The following LRP2 variants were observed in gnomAD, a reference collection of about 807,000 sequenced individuals.
LRP2 encodes the protein low-density lipoprotein receptor-related protein 2.
A neutral mutation model predicts 531.0 loss-of-function variants in LRP2; 172 were observed. The observed-to-expected ratio is 0.32, with a 90% CI of 0.29 to 0.37. LRP2 has a LOEUF of 0.37. Ranked by LOEUF, LRP2 falls within the 10% of genes least tolerant of loss-of-function variation. The pLI is 1.00. For missense variants in LRP2, 5,167 were observed against 5,868.3 expected (o/e 0.88, Z 3.90); for synonymous variants, 1,992 against 2,027.6 (o/e 0.98, Z 0.47).
rs1372510066 is a variant in LRP2, at chr2:169,257,148, G to A, written c.2615C>T (p.Pro872Leu). 6.2e-7 allele frequency: 1 copy of A among 1,612,740 alleles called. No individual in the cohort carries two copies. Residue 872 changes from proline to leucine, a missense_variant, in exon 18 of 79, where the codon CCC (proline) becomes CTC (leucine). By Grantham distance (98) the Pro-to-Leu change is moderately conservative (BLOSUM62 -3). This residue lies in a region of LRP2 where 2,811 missense variants were observed against 3,058.0 expected (regional missense o/e 0.92). Coordinates refer to ENST00000649046, the MANE Select transcript of LRP2 (RefSeq NM_004525.3). ...CGCCCAATCGATGGCCAAGCCATTG[G>A]GCCATCCAAGAGTAGTGTTTATTAC... The part of the protein sequence containing the change: ...LPVINTTLGW[P>L]NGLAIDWAAS...
intron 36 of LRP2, 47 bp from the exon 37 acceptor site, chr2:169,212,254 G>C: frequency 6.2e-7 from 1 of 1,613,068 alleles, no homozygotes; most frequent in Non-Finnish European, 8.5e-7. Flanking sequence ...CTAGCTACTC[G>C]CCACCCCATC....
rs267598997 is a variant in LRP2 at position 169,145,827 on chromosome 2, C to T, written c.12908G>A (p.Gly4303Glu). 1 of 1,614,136 alleles carries T rather than the reference C, an allele frequency of 6.2e-7. No individual in the cohort carries two copies. The highest frequency in any genetic ancestry group is 1.7e-5 in the Admixed American group (1 of 60,024). The change falls in exon 70 of 79, where the codon GGA becomes GAA. Residue 4303 changes from glycine (G) to glutamate (E), a missense_variant. By Grantham distance (98) the Gly-to-Glu change is moderately conservative. Transcript: ENST00000649046. ...EVWKQNKFGQ[G>E]KKEKTLVVNP... ...CACTACCAGCGTTTTCTCTTTCTTT[C>T]CTTGCCCAAATTTATTTTGTTTCCA...
At chr2:169,231,978 C>G in intron 30 of LRP2, 136 bp from the exon 31 acceptor site, 1 of 1,084,028 alleles carries the variant, frequency 9.2e-7, no homozygotes, top group Non-Finnish European at 1.4e-6. Context: ...CTGTTGTTTT[C>G]TTTTGTTTTG....
intron 9 of LRP2, among the ~76,000 whole-genome samples, chr2:169,284,072 T>C (rs1181660911): frequency 1.3e-5 from 2 of 151,916 alleles, no homozygotes; most frequent in African/African-American, 4.8e-5. Context: ...CTCAAGTAGA[T>C]TATAATTTCT....
At chr2:169,244,361 A>G (rs990719834) in intron 22 of LRP2, among the ~76,000 whole-genome samples, 3 of 152,186 alleles carry the variant, frequency 2.0e-5, no homozygotes, top group African/African-American at 7.2e-5. Flanking sequence ...ATATATCTAT[A>G]TGACTTTTAG....
At chr2:169,215,338 G>A (rs183625285) in intron 35 of LRP2, among the ~76,000 whole-genome samples, 12 of 152,272 alleles carry the variant, frequency 7.9e-5, no homozygotes, top group Admixed American at 7.8e-4. Flanking sequence ...CCAAAGCAAT[G>A]CTTCATCAAT....
At chr2:169,355,069 G>A (rs531995854) in intron 1 of LRP2, among the ~76,000 whole-genome samples, 44 of 152,254 alleles carry the variant, frequency 2.9e-4, no homozygotes, top group African/African-American at 1.0e-3. Context: ...TAGTCTGATC[G>A]CTCAGCTCAT....
chr2:169,160,879 C>T (rs1041524530), intron 63 of LRP2, among the ~76,000 whole-genome samples: 1 of 152,072 alleles, frequency 6.6e-6, no homozygotes, highest in Non-Finnish European at 1.5e-5. Context: ...CCACAGAAAA[C>T]GTATGTGAAA....
intron 31 of LRP2, 60 bp downstream of exon 31, chr2:169,231,654 T>A (rs1196748946): frequency 6.2e-7 from 1 of 1,610,226 alleles, no homozygotes; most frequent in Non-Finnish European, 8.5e-7. Flanking sequence ...GAGTTTCCAC[T>A]GCTTGGCACA....
intron 2 of LRP2, among the ~76,000 whole-genome samples, chr2:169,319,894 G>A (rs1179040798): frequency 1.3e-5 from 2 of 152,182 alleles, no homozygotes; most frequent in African/African-American, 2.4e-5. Context: ...TTTCAAATGC[G>A]TTGTCATCTA....
intron 52 of LRP2, among the ~76,000 whole-genome samples, chr2:169,179,873 T>C (rs1687364578): frequency 7.2e-6 from 1 of 139,002 alleles, no homozygotes; most frequent in African/African-American, 2.5e-5. Flanking sequence ...TTGCTACCTC[T>C]CCAAGAGGTA....
chr2:169,212,373 T>C (rs1434739267), intron 36 of LRP2, among the ~76,000 whole-genome samples, 166 bp from the exon 37 acceptor site: 2 of 152,154 alleles, frequency 1.3e-5, no homozygotes, highest in South Asian at 2.1e-4. Flanking sequence ...CTAGAGCTTA[T>C]ACAATAACAC....
intron 33 of LRP2, among the ~76,000 whole-genome samples, chr2:169,222,844 A>G (rs1016842430): frequency 1.3e-5 from 2 of 152,168 alleles, no homozygotes; most frequent in Admixed American, 6.5e-5. Context: ...CCCTCCGATA[A>G]GCAAGGATGT....
At chr2:169,156,150 C>T (rs561412118) in intron 65 of LRP2, 124 bp downstream of exon 65, 21 of 1,320,190 alleles carry the variant, frequency 1.6e-5, no homozygotes, top group Middle Eastern at 1.9e-4. Context: ...AAGCAGCTGG[C>T]GAGTTTAAAA....
chr2:169,292,787 C>T (rs559921146), intron 6 of LRP2, among the ~76,000 whole-genome samples: 6 of 134,894 alleles, frequency 4.4e-5, no homozygotes, highest in South Asian at 4.6e-4. Flanking sequence ...GAGCCAAGAT[C>T]GCACCACTGC....
At position 169,216,353 on chromosome 2, in the gene LRP2, G is replaced by T; in HGVS notation, c.5726C>A (p.Ser1909Tyr). 1 of 1,613,678 alleles carries T rather than the reference G, an allele frequency of 6.2e-7. No homozygotes were observed. The highest frequency in any genetic ancestry group is 8.5e-7 in the Non-Finnish European group (1 of 1,179,700). ...KIASANMDGT[S>Y]VKTLFTGNLE... ...GTTCCCAGTAAAGAGAGTTTTCACAGATGTGCCATCCATGTTAGCACTGGC... is the reference window on the plus strand; with the variant it reads ...GTTCCCAGTAAAGAGAGTTTTCACATATGTGCCATCCATGTTAGCACTGGC... The change falls in exon 35 of 79, where the codon TCT becomes TAT. Residue 1909 changes from serine (S) to tyrosine (Y), a missense_variant. By Grantham distance (144) the Ser-to-Tyr change is moderately radical. Coordinates refer to ENST00000649046, the MANE Select transcript of LRP2 (RefSeq NM_004525.3).
chr2:169,198,000 A>G (rs1202950739), intron 45 of LRP2, among the ~76,000 whole-genome samples: 8 of 152,364 alleles, frequency 5.3e-5, no homozygotes, highest in Non-Finnish European at 1.2e-4. Flanking sequence ...AAAGTTATCA[A>G]ACTTAAGAAA....
intron 42 of LRP2, 107 bp downstream of exon 42, chr2:169,203,875 T>A: frequency 1.7e-6 from 2 of 1,192,680 alleles, no homozygotes; most frequent in Non-Finnish European, 2.5e-6. Flanking sequence ...TACCCTGACA[T>A]CAAGGAGAAT....
At chr2:169,299,103 GAA>G (rs1219869725) in intron 4 of LRP2, among the ~76,000 whole-genome samples, 3 of 28,238 alleles carry the variant, frequency 1.1e-4, no homozygotes, top group East Asian at 1.7e-3. Flanking sequence ...AAGAAAGAAA[GAA>G]AGAAAGAAAG....
Sources: gnomAD v4.1 joint callset for allele counts (sites outside exome capture counted in the v4.1 genomes callset) on GRCh38, gnomAD v4.1.1 for gene constraint, gnomAD v4.1.1 regional missense constraint, MANE v1.5 for transcripts, NCBI Gene and HGNC (gene_info 2026-07-23, HGNC 2026-07-21) for gene names.